The following GPR158 variants were observed in gnomAD, a reference collection of about 807,000 sequenced individuals.
GPR158 encodes the protein G protein-coupled receptor 158, also known as metabotropic glycine receptor.
In GPR158, 30 loss-of-function variants were observed where a neutral mutation model predicts 78.2. The ratio of observed to expected loss-of-function variants is 0.38; its 90% confidence interval spans 0.29 to 0.52. The LOEUF (loss-of-function observed/expected upper bound fraction) is 0.52, where lower values mean the gene tolerates loss of function less well. Among genes scored for constraint, GPR158 ranks in the 20% least tolerant of loss-of-function variants. The pLI is 0.83. For missense variants in GPR158, 1,463 were observed against 1,523.5 expected (o/e 0.96, Z 0.66); for synonymous variants, 581 against 591.1 (o/e 0.98, Z 0.25).
At chr10:25,594,462 C>T in intron 9 of GPR158, 65 bp downstream of exon 9, 2 of 672,026 alleles carry the variant, frequency 3.0e-6, no homozygotes, top group South Asian at 2.0e-5. Flanking sequence ...AGTTGTTTAT[C>T]CTATAGGCAA....
At chr10:25,314,783 A>T (rs1471514014) in intron 2 of GPR158, among the ~76,000 whole-genome samples, 1 of 147,834 alleles carries the variant, frequency 6.8e-6, no homozygotes, top group African/African-American at 2.5e-5. Context: ...ATATAAATAT[A>T]TATGCACACA....
intron 1 of GPR158, among the ~76,000 whole-genome samples, chr10:25,193,037 T>G (rs1852795046): frequency 6.6e-6 from 1 of 152,182 alleles, no homozygotes; most frequent in Non-Finnish European, 1.5e-5. Flanking sequence ...TTACGTATTT[T>G]CAACTTAAGA....
chr10:25,269,571 G>C (rs1351802905), intron 2 of GPR158, among the ~76,000 whole-genome samples: 1 of 152,138 alleles, frequency 6.6e-6, no homozygotes, highest in African/African-American at 2.4e-5. Context: ...GGGACCTTTA[G>C]CAAATCAATC....
At chr10:25,555,286 G>T (rs891041381) in intron 6 of GPR158, among the ~76,000 whole-genome samples, 2 of 152,056 alleles carry the variant, frequency 1.3e-5, no homozygotes, top group African/African-American at 4.8e-5. Context: ...GATGGGGATG[G>T]CATTGAATCT....
intron 4 of GPR158, among the ~76,000 whole-genome samples, chr10:25,416,610 A>G (rs1834663942): frequency 1.4e-5 from 1 of 73,712 alleles, no homozygotes; most frequent in Non-Finnish European, 4.1e-5. Flanking sequence ...TAGTTAGAAA[A>G]AAAAGTAACA....
intron 5 of GPR158, among the ~76,000 whole-genome samples, chr10:25,550,248 C>T (rs1354198457): frequency 6.6e-6 from 1 of 152,126 alleles, no homozygotes; most frequent in East Asian, 1.9e-4. Context: ...TCCCCCTCTT[C>T]CTGGCCTTTG....
intron 2 of GPR158, among the ~76,000 whole-genome samples, chr10:25,377,687 A>T (rs1021904184): frequency 1.1e-4 from 16 of 152,008 alleles, no homozygotes; most frequent in African/African-American, 3.9e-4. Context: ...AGATTTATTT[A>T]TGTTTAGCAT....
intron 1 of GPR158, among the ~76,000 whole-genome samples, chr10:25,220,116 A>G (rs1853278710): frequency 6.6e-6 from 1 of 152,136 alleles, no homozygotes; most frequent in Non-Finnish European, 1.5e-5. Flanking sequence ...TACTTTGAGT[A>G]GTTTGTAGTG....
chr10:25,366,936 G>C (rs1350406156), intron 2 of GPR158, among the ~76,000 whole-genome samples: 3 of 151,726 alleles, frequency 2.0e-5, no homozygotes, highest in Non-Finnish European at 3.0e-5. Flanking sequence ...AGACGGAAGA[G>C]TTCTTTTATA....
chr10:25,503,945 C>T (rs1384330185), intron 5 of GPR158, among the ~76,000 whole-genome samples: 3 of 150,330 alleles, frequency 2.0e-5, no homozygotes, highest in Non-Finnish European at 3.0e-5. Context: ...AGCTGGAGTG[C>T]GATGGGGTGA....
At chr10:25,572,363 C>T (rs542839040) in intron 6 of GPR158, among the ~76,000 whole-genome samples, 7 of 152,272 alleles carry the variant, frequency 4.6e-5, no homozygotes, top group South Asian at 2.1e-4. Context: ...CACAGTGGCA[C>T]GTGCCTGGAG....
At chr10:25,584,234 A>G (rs1321935702) in intron 7 of GPR158, among the ~76,000 whole-genome samples, 1 of 152,220 alleles carries the variant, frequency 6.6e-6, no homozygotes, top group Admixed American at 6.5e-5. Flanking sequence ...CACGTATTTC[A>G]ACTCCCACGT....
chr10:25,396,122 G>A, intron 3 of GPR158, 109 bp downstream of exon 3: 1 of 540,008 alleles, frequency 1.9e-6, no homozygotes, highest in Non-Finnish European at 3.3e-6. Flanking sequence ...ATAATCATTG[G>A]TTTGGCATTC....
intron 2 of GPR158, among the ~76,000 whole-genome samples, chr10:25,238,438 A>G (rs1015887081): frequency 3.7e-4 from 56 of 152,372 alleles, no homozygotes; most frequent in African/African-American, 1.3e-3. Flanking sequence ...TCATAATTTA[A>G]TGTATCTGGA....
chr10:25,375,036 G>C (rs1274794328), intron 2 of GPR158, among the ~76,000 whole-genome samples: 3 of 151,604 alleles, frequency 2.0e-5, no homozygotes. Flanking sequence ...TAGTTTCTCT[G>C]TATTCTTGCC....
intron 6 of GPR158, among the ~76,000 whole-genome samples, chr10:25,568,559 T>C (rs1312374650): frequency 2.0e-5 from 3 of 152,120 alleles, no homozygotes; most frequent in Admixed American, 6.5e-5. Context: ...AAGTGAACAA[T>C]ATCAATTAGC....
intron 5 of GPR158, among the ~76,000 whole-genome samples, chr10:25,515,416 T>G (rs1328042915): frequency 6.6e-6 from 1 of 151,158 alleles, no homozygotes; most frequent in African/African-American, 2.4e-5. Flanking sequence ...ATGTGCACAT[T>G]GTGCAGGTTA....
chr10:25,474,438 T>G (rs1389785544), intron 5 of GPR158, among the ~76,000 whole-genome samples: 1 of 152,104 alleles, frequency 6.6e-6, no homozygotes, highest in Non-Finnish European at 1.5e-5. Flanking sequence ...CCTACCATCC[T>G]TTAGGCTAAT....
At chr10:25,426,086 G>T (rs1834816838) in intron 4 of GPR158, among the ~76,000 whole-genome samples, 1 of 152,078 alleles carries the variant, frequency 6.6e-6, no homozygotes, top group Non-Finnish European at 1.5e-5. Flanking sequence ...ATGACGCTAA[G>T]GTTGCATAGT....
Sources: allele counts gnomAD v4.1 joint callset (sites outside exome capture counted in the v4.1 genomes callset), GRCh38; gene constraint gnomAD v4.1.1; transcripts MANE v1.5; gene names NCBI Gene and HGNC (gene_info 2026-07-23, HGNC 2026-07-21).